Variants in NOTCH1 observed in about 807,000 individuals in gnomAD.
The protein encoded by NOTCH1 is neurogenic locus notch homolog protein 1.
In NOTCH1, 37 loss-of-function variants were observed where a neutral mutation model predicts 254.8. That is an observed-to-expected ratio of 0.15 (90% confidence interval 0.11 to 0.19). The LOEUF (loss-of-function observed/expected upper bound fraction) is 0.19, where lower values mean the gene tolerates loss of function less well. NOTCH1 is among the 10% of genes least tolerant of loss of function. The pLI, the probability that NOTCH1 is intolerant of heterozygous loss-of-function variation, is 1.00. For synonymous variants in NOTCH1, 1,731 were observed against 1,618.1 expected, an observed-to-expected ratio of 1.07 and a Z score of -1.68; for missense variants, 2,972 against 3,708.6, an observed-to-expected ratio of 0.80 and a Z score of 5.16.
rs1184424485 is a variant in NOTCH1 at position 136,505,549 on chromosome 9, G to A, written c.4347C>T (p.Cys1449=). The change falls in exon 25 of 34, where the codon TGC becomes TGT. Residue 1449 remains cysteine, a synonymous_variant. Transcript: ENST00000651671. ...DIPPPLIEEA[C]ELPECQEDAG... ...CGTCCTCCTGGCACTCGGGCAGCTCGCACGCCTCCTCGATCAGCGGCGGGG... is the reference window on the plus strand; with the variant it reads ...CGTCCTCCTGGCACTCGGGCAGCTCACACGCCTCCTCGATCAGCGGCGGGG... 6.2e-6 allele frequency: 10 copies of A among 1,611,456 alleles called. No homozygotes were observed. In the East Asian group the frequency reaches 8.9e-5, roughly 14 times the overall value.
At position 136,533,105 on chromosome 9, in the gene NOTCH1, C is replaced by T. The variant is rs762447536; in HGVS notation, c.141-9126G>A. Among the ~76,000 whole-genome samples the T allele has an allele frequency of 3.1e-3, 137 of 44,888 alleles. 38 individuals carry two copies. The Middle Eastern group carries it at 0.056, about 18-fold the overall frequency. 29.4% of individuals were successfully genotyped at this position (44,888 alleles called of 152,430 possible). On this transcript the variant is annotated intron_variant, in intron 2 of 33. Transcript: ENST00000651671. Reference sequence around the variant, plus strand: ...CATGTGGACCCTGGACACTCAGCCCCGCCCGGCCTCCCCACCTGGCTCTCC... The same window carrying T: ...CATGTGGACCCTGGACACTCAGCCCTGCCCGGCCTCCCCACCTGGCTCTCC...
Position 136,501,450 on chromosome 9 carries a change from G to A in NOTCH1, c.5638+298C>T, listed in dbSNP as rs7850324. ...CTCCATCTCAAAAACAAAAAAAAAA[G>A]AAAAAAAAAAAGAAAAAGAAAATCA... On this transcript the variant is annotated intron_variant, in intron 30 of 33. Transcript: ENST00000651671. Among the ~76,000 whole-genome samples the A allele has an allele frequency of 0.56, 81,752 of 146,740 alleles. 23,738 individuals carry two copies. The highest frequency in any genetic ancestry group is 0.89 in the East Asian group (4,491 of 5,056).
At chr9:136,515,096 C>A (rs575858778) in intron 12 of NOTCH1, among the ~76,000 whole-genome samples, 194 bp downstream of exon 12, 1 of 152,336 alleles carries the variant, frequency 6.6e-6, no homozygotes, top group East Asian at 1.9e-4. Context: ...TGACCGGAGA[C>A]AAGAGGGGTC....
chr9:136,496,338 C>T lies in NOTCH1; in HGVS notation c.7401G>A (p.Ser2467=), dbSNP rs371306178. The change falls in exon 34 of 34, where the codon TCG becomes TCA. Residue 2467 remains serine (S), a synonymous_variant. Coordinates refer to ENST00000651671, the MANE Select transcript of NOTCH1 (RefSeq NM_017617.5). ...LPQESPALPT[S]LPSSLVPPVT... Reference sequence around the variant, plus strand: ...CGGGTGGGACCAGCGAGGATGGCAGCGACGTGGGCAGGGCGGGGCTCTCCT... The same window carrying T: ...CGGGTGGGACCAGCGAGGATGGCAGTGACGTGGGCAGGGCGGGGCTCTCCT... 43 of 1,592,414 alleles carry T rather than the reference C, an allele frequency of 2.7e-5. No homozygotes were observed. Among genetic ancestry groups the T allele is most frequent in the African/African-American group, 2.7e-4 (20 of 74,728 alleles).
At chr9:136,543,200 G>C (rs1048934571) in intron 2 of NOTCH1, 2 of 173,218 alleles carry the variant, frequency 1.2e-5, no homozygotes, top group African/African-American at 4.8e-5. Flanking sequence ...ATTTTGAAGA[G>C]TCAATTTCCT....
Position 136,518,805 on chromosome 9 carries a change from A to G in NOTCH1, c.885T>C (p.Asp295=), listed in dbSNP as rs1349182849. 1.2e-6 allele frequency: 2 copies of G among 1,612,756 alleles called. No homozygotes were observed. Among genetic ancestry groups the G allele is most frequent in the East Asian group, 2.2e-5 (1 of 44,886 alleles). The change falls in exon 6 of 34, where the codon GAT becomes GAC. Residue 295 remains aspartate, a synonymous_variant. Coordinates refer to ENST00000651671, the MANE Select transcript of NOTCH1 (RefSeq NM_017617.5). The stretch of plus-strand genomic sequence containing the variant: ...TTGGCATCAGCTGGCACTCGTCCAC[A>G]TCCTCGGTACAGTACTGACCTGCAG... ...PEWTGQYCTE[D]VDECQLMPNA... is the part of the protein sequence containing the mutation.
chr9:136,533,161 G>T lies in NOTCH1; in HGVS notation c.141-9182C>A, dbSNP rs1236476490. On this transcript the variant is annotated intron_variant, in intron 2 of 33. Coordinates refer to ENST00000651671, the MANE Select transcript of NOTCH1 (RefSeq NM_017617.5). ...ACAGGAATGAGGCCAGCCTCCTTCT[G>T]ACCACTGAAGGGGAAGTAGGAGGGG... 7.6e-5 allele frequency among the ~76,000 whole-genome samples: 4 copies of T among 52,446 alleles called. 1 individual carries two copies. The highest frequency in any genetic ancestry group is 3.9e-4 in the African/African-American group (4 of 10,306). The allele number at this position is 52,446 out of a possible 152,430, so 34.4% of individuals were successfully genotyped here. A position where few individuals can be genotyped will look rare whatever the true frequency, so the allele number is the denominator to read the frequency against.
At chr9:136,511,354 C>T in intron 15 of NOTCH1, 83 bp from the exon 16 acceptor site, 1 of 1,504,310 alleles carries the variant, frequency 6.6e-7, no homozygotes, top group Non-Finnish European at 8.9e-7. Context: ...GGTCTTTCCG[C>T]CATCAGAGTG....
intron 4 of NOTCH1, among the ~76,000 whole-genome samples, chr9:136,520,941 C>T (rs563244300): frequency 2.0e-5 from 3 of 152,304 alleles, no homozygotes; most frequent in African/African-American, 7.2e-5. Context: ...CCCTCTGCGA[C>T]GTAGCCTCGG....
Position 136,513,350 on chromosome 9 carries a change from C to T in NOTCH1, c.2353+42G>A, listed in dbSNP as rs751847302. On this transcript the variant is annotated intron_variant, in intron 14 of 33. Transcript: ENST00000651671. The surrounding 1 kb of genome is among the most constrained non-coding windows in gnomAD (Gnocchi z 4.7). ...TCCTGTGTCTCCAGCTCCCCAGACT[C>T]GAGGGCGGCCCTCTGCACTGAGAAA... 1.1e-5 allele frequency: 17 copies of T among 1,611,530 alleles called. No individual in the cohort carries two copies. The highest frequency in any genetic ancestry group is 2.2e-5 in the East Asian group (1 of 44,866).
In NOTCH1 at chr9:136,509,001, T is replaced by A. The variant is rs1181594680; in HGVS notation, c.3040A>T (p.Thr1014Ser). The A allele has an allele frequency of 1.3e-6, 2 of 1,561,006 alleles. No homozygotes were observed. The highest frequency in any genetic ancestry group is 1.7e-6 in the Non-Finnish European group (2 of 1,153,412). The change falls in exon 19 of 34, where the codon ACG becomes TCG. Residue 1014 changes from threonine to serine, a missense_variant. Around this residue, in one of 8 missense-constraint regions of NOTCH1, gnomAD observed 1,343 missense variants for 1,557.0 expected, o/e 0.86. Coordinates refer to ENST00000651671, the MANE Select transcript of NOTCH1 (RefSeq NM_017617.5). The part of the protein sequence containing the change: ...SFTCLCPPGF[T>S]GSYCQHDVNE... ...ACATCGTGCTGGCAGTAGCTGCCCGTGAAGCCGGGTGGACACAGGCAGGTG... is the reference window on the plus strand; with the variant it reads ...ACATCGTGCTGGCAGTAGCTGCCCGAGAAGCCGGGTGGACACAGGCAGGTG...
intron 17 of NOTCH1, 191 bp downstream of exon 17, chr9:136,510,462 A>C (rs922016572): frequency 1.4e-6 from 1 of 692,986 alleles, no homozygotes; most frequent in Non-Finnish European, 2.5e-6. Flanking sequence ...GGGAGGAGCA[A>C]GCCGGCTCTG....
At chr9:136,511,338 C>G (rs1271585950) in intron 15 of NOTCH1, 67 bp from the exon 16 acceptor site, 2 of 1,535,590 alleles carry the variant, frequency 1.3e-6, no homozygotes. Context: ...TCGGCCACCG[C>G]CTGCTGGTCT....
intron 9 of NOTCH1, 49 bp from the exon 10 acceptor site, chr9:136,516,143 G>A: frequency 7.3e-7 from 1 of 1,375,320 alleles, no homozygotes; most frequent in Non-Finnish European, 1.0e-6. Context: ...CAGCACTATG[G>A]CCCTTCAGGG....
chr9:136,527,566 A>G (rs528183670), intron 2 of NOTCH1, among the ~76,000 whole-genome samples: 1 of 152,298 alleles, frequency 6.6e-6, no homozygotes, highest in Non-Finnish European at 1.5e-5. Context: ...CTGGGGCTAA[A>G]AAGTGAGGCT....
chr9:136,533,699 G>T (rs1232741031), intron 2 of NOTCH1, among the ~76,000 whole-genome samples: 1 of 152,252 alleles, frequency 6.6e-6, no homozygotes, highest in African/African-American at 2.4e-5. Flanking sequence ...TGGGGCAATG[G>T]CACCTCCTCA....
At chr9:136,534,112 G>A (rs532423336) in intron 2 of NOTCH1, among the ~76,000 whole-genome samples, 13 of 152,300 alleles carry the variant, frequency 8.5e-5, no homozygotes, top group East Asian at 1.9e-4. Context: ...GGGATGTGGC[G>A]GGAGACGGGG....
chr9:136,545,984 TCGCGCCCGCGCCCGCGCCC>T lies in NOTCH1; in HGVS notation c.-217_-199del, dbSNP rs1018134686. ...CGCCCGGCTCGTTCCTTCGCTGCGCTCGCGCCCGCGCCCGCGCCCCGCGCCCCGCGCCCTTGCGCTCCCT... is the reference window on the plus strand; with the variant it reads ...CGCCCGGCTCGTTCCTTCGCTGCGCTCGCGCCCCGCGCCCTTGCGCTCCCT... On this transcript the variant is annotated 5_prime_UTR_variant, in exon 1 of 34. Coordinates refer to ENST00000651671, the MANE Select transcript of NOTCH1 (RefSeq NM_017617.5). The surrounding 1 kb of genome is among the most constrained non-coding windows in gnomAD (Gnocchi z 6.8). 2.1e-5 allele frequency among the ~76,000 whole-genome samples: 3 copies of T among 144,828 alleles called. No homozygotes were observed.
At chr9:136,519,382 T>G in intron 5 of NOTCH1, 61 bp downstream of exon 5, 1 of 1,603,538 alleles carries the variant, frequency 6.2e-7, no homozygotes, top group Non-Finnish European at 8.5e-7. Context: ...TGAGTGCAGT[T>G]TAGTAAGTGG....
Sources: gnomAD v4.1 joint callset for allele counts (sites outside exome capture counted in the v4.1 genomes callset) on GRCh38, gnomAD v4.1.1 for gene constraint, gnomAD v4.1.1 regional missense constraint, Gnocchi (gnomAD v3.1) non-coding constraint, MANE v1.5 for transcripts, NCBI Gene and HGNC (gene_info 2026-07-23, HGNC 2026-07-21) for gene names.